The following SOX6 variants were observed in gnomAD, a reference collection of about 807,000 sequenced individuals.
The protein encoded by SOX6 is SRY-box transcription factor 6, also known as transcription factor SOX-6.
Under a neutral mutation model 97.8 loss-of-function variants are expected in SOX6, and 11 were observed. The ratio of observed to expected loss-of-function variants is 0.11; its 90% CI spans 0.07 to 0.19. The LOEUF is 0.19. Ranked by LOEUF, SOX6 falls within the 10% of genes least tolerant of loss-of-function variation. SOX6 has a pLI of 1.00. For synonymous variants in SOX6, 360 were observed against 371.4 expected (o/e 0.97, Z 0.35); for missense variants, 810 against 1,039.5 (o/e 0.78, Z 3.04).
intron 12 of SOX6, among the ~76,000 whole-genome samples, chr11:16,027,443 G>A: frequency 6.6e-6 from 1 of 152,114 alleles, no homozygotes; most frequent in Non-Finnish European, 1.5e-5. Flanking sequence ...ATTCAAGAAT[G>A]TTCTTAGTTT....
chr11:16,175,209 A>G (rs1851152053), intron 6 of SOX6, among the ~76,000 whole-genome samples: 1 of 151,970 alleles, frequency 6.6e-6, no homozygotes, highest in African/African-American at 2.4e-5. Context: ...CACATGTAGA[A>G]TATGTACATG....
intron 15 of SOX6, among the ~76,000 whole-genome samples, chr11:15,974,096 A>G (rs985906351): frequency 5.9e-5 from 9 of 152,206 alleles, no homozygotes; most frequent in Admixed American, 5.9e-4. Context: ...TGGATAGTAA[A>G]TTATAGTTGA....
intron 6 of SOX6, among the ~76,000 whole-genome samples, chr11:16,143,633 C>T (rs183518545): frequency 4.6e-5 from 7 of 152,050 alleles, no homozygotes; most frequent in Admixed American, 3.3e-4. Context: ...CACACATAGG[C>T]TCAAAATAAA....
Position 15,989,212 on chromosome 11 carries a change from C to T in SOX6, c.1751G>A (p.Gly584Asp). 6.2e-7 allele frequency: 1 copy of T among 1,605,818 alleles called. No individual in the cohort carries two copies. Among genetic ancestry groups the T allele is most frequent in the Non-Finnish European group, 8.5e-7 (1 of 1,173,612 alleles). The change falls in exon 14 of 16, where the codon GGC (glycine) becomes GAC (aspartate). Residue 584 changes from glycine (G) to aspartate (D), a missense_variant. Gly to Asp is a moderately conservative substitution (Grantham distance 94). Around this residue, in one of 9 missense-constraint regions of SOX6, gnomAD observed 120 missense variants for 127.0 expected, o/e 0.94. Coordinates refer to ENST00000683767, the MANE Select transcript of SOX6 (RefSeq NM_001367873.1). ...EDAEGSKAMNGSAAKLQQYYC... is the reference protein window; with the variant it reads ...EDAEGSKAMNDSAAKLQQYYC... ...ATACTGCTGTAGTTTAGCTGCAGAGCCATTCATTGCTTTACTTCCTGTAAT... is the reference window on the plus strand; with the variant it reads ...ATACTGCTGTAGTTTAGCTGCAGAGTCATTCATTGCTTTACTTCCTGTAAT...
At chr11:16,016,788 A>G (rs180948124) in intron 12 of SOX6, among the ~76,000 whole-genome samples, 7 of 152,182 alleles carry the variant, frequency 4.6e-5, no homozygotes, top group Non-Finnish European at 7.4e-5. Context: ...CATTTCAAAT[A>G]TTTGCATGTG....
intron 1 of SOX6, among the ~76,000 whole-genome samples, chr11:16,386,004 G>A (rs1857973084): frequency 6.6e-6 from 1 of 152,082 alleles, no homozygotes; most frequent in Non-Finnish European, 1.5e-5. Context: ...GAGCCATATT[G>A]TTCTCTGGGG....
At chr11:16,045,153 G>A (rs1489574998) in intron 12 of SOX6, among the ~76,000 whole-genome samples, 1 of 152,120 alleles carries the variant, frequency 6.6e-6, no homozygotes, top group Non-Finnish European at 1.5e-5. Context: ...GAAGTTAATA[G>A]TGTCTAAGTT....
chr11:16,523,978 G>C (rs569577193), intron 4 of SOX6, among the ~76,000 whole-genome samples: 40 of 152,144 alleles, frequency 2.6e-4, no homozygotes, highest in Non-Finnish European at 5.1e-4. Context: ...CTCTGAAATT[G>C]TGGCAATAAT....
chr11:16,250,574 G>A (rs922203117), intron 3 of SOX6, among the ~76,000 whole-genome samples: 1 of 152,020 alleles, frequency 6.6e-6, no homozygotes, highest in African/African-American at 2.4e-5. Context: ...AGCTGATGTA[G>A]ATGTATTAAT....
Position 16,049,858 on chromosome 11 carries a change from G to A in SOX6, c.1332C>T (p.Thr444=). The A allele has an allele frequency of 6.2e-7, 1 of 1,613,770 alleles. No individual in the cohort carries two copies. The highest frequency in any genetic ancestry group is 8.5e-7 in the Non-Finnish European group (1 of 1,179,796). ...TTTTGCTGGCTGGGAAGAGGTTCTGGGTGGGAGACGTTGGGGACTTTACAG... is the reference window on the plus strand; with the variant it reads ...TTTTGCTGGCTGGGAAGAGGTTCTGAGTGGGAGACGTTGGGGACTTTACAG... ...AEPVKSPTSP[T]QNLFPASKTS... The change falls in exon 11 of 16, where the codon ACC becomes ACT. Residue 444 remains threonine (T), a synonymous_variant. Coordinates refer to ENST00000683767, the MANE Select transcript of SOX6 (RefSeq NM_001367873.1).
intron 6 of SOX6, among the ~76,000 whole-genome samples, chr11:16,163,666 T>C (rs1013559824): frequency 6.6e-5 from 10 of 152,364 alleles, no homozygotes; most frequent in Admixed American, 2.0e-4. Context: ...TAATAAATCT[T>C]GACTAAAGTC....
chr11:16,572,170 C>T (rs927191789), intron 4 of SOX6, among the ~76,000 whole-genome samples: 3 of 152,114 alleles, frequency 2.0e-5, no homozygotes, highest in Middle Eastern at 3.4e-3. Context: ...ATTGTATTTA[C>T]TATTACTGTA....
At chr11:16,484,755 C>A in intron 4 of SOX6, 1 of 427,656 alleles carries the variant, frequency 2.3e-6, no homozygotes, top group Non-Finnish European at 4.3e-6. Context: ...AAATAAGTTG[C>A]ATCATCAAAT....
chr11:16,482,101 T>C (rs1427102661), intron 4 of SOX6, among the ~76,000 whole-genome samples: 1 of 149,350 alleles, frequency 6.7e-6, no homozygotes, highest in Non-Finnish European at 1.5e-5. Flanking sequence ...GTGAAAAGTA[T>C]CCATTTTCAC....
intron 4 of SOX6, among the ~76,000 whole-genome samples, chr11:16,226,295 T>C (rs957808684): frequency 3.3e-5 from 5 of 151,620 alleles, no homozygotes; most frequent in African/African-American, 4.9e-5. Context: ...TTTCCTTATT[T>C]GGTTGCTATC....
rs1016202722 is a variant in SOX6, at chr11:16,320,720, T to C, written c.238-2067A>G. The stretch of plus-strand genomic sequence containing the variant: ...ATAAATCTTGTGAAACCTGGGAATA[T>C]ATTAAAAACCATTGAATTGTATACA... On this transcript the variant is annotated intron_variant, in intron 2 of 15. Coordinates refer to ENST00000683767, the MANE Select transcript of SOX6 (RefSeq NM_001367873.1). 2.6e-5 allele frequency among the ~76,000 whole-genome samples: 4 copies of C among 152,266 alleles called. No individual in the cohort carries two copies. The South Asian group carries it at 8.3e-4, about 32-fold the overall frequency.
chr11:16,423,563 GTCAACACCTT>G (rs559992608), intron 1 of SOX6, among the ~76,000 whole-genome samples: 169 of 152,196 alleles, frequency 1.1e-3, no homozygotes, highest in African/African-American at 3.9e-3. Context: ...AGAAAAAGGA[GTCAACACCTT>G]TCTAAAGTCT....
chr11:16,211,459 T>TAA (rs72109927), intron 4 of SOX6, among the ~76,000 whole-genome samples: 75,920 of 149,744 alleles, frequency 0.51, 19,320 homozygotes, highest in South Asian at 0.63. Context: ...AGAGTTAAAT[T>TAA]AAAAAAAAAA....
chr11:16,493,203 G>A (rs550308420), intron 4 of SOX6, among the ~76,000 whole-genome samples: 3 of 152,214 alleles, frequency 2.0e-5, no homozygotes, highest in Non-Finnish European at 4.4e-5. Flanking sequence ...TGTCAACAGC[G>A]GAATGGGCAA....
Sources: gnomAD v4.1 joint callset for allele counts (sites outside exome capture counted in the v4.1 genomes callset) on GRCh38, gnomAD v4.1.1 for gene constraint, gnomAD v4.1.1 regional missense constraint, MANE v1.5 for transcripts, NCBI Gene and HGNC (gene_info 2026-07-23, HGNC 2026-07-21) for gene names.